The following INPP4B variants were observed in gnomAD, a reference collection of about 807,000 sequenced individuals.
The protein encoded by INPP4B is inositol polyphosphate 4-phosphatase type II.
In INPP4B, 55 loss-of-function variants were observed where a neutral mutation model predicts 122.5. That is an observed-to-expected ratio of 0.45 (90% CI 0.36 to 0.56). INPP4B has a LOEUF of 0.56. INPP4B is among the 20% of genes least tolerant of loss of function. The pLI is 0.00. For synonymous variants in INPP4B, 403 were observed against 388.7 expected, an observed-to-expected ratio of 1.04 and a Z score of -0.43; for missense variants, 1,000 against 1,097.7, an observed-to-expected ratio of 0.91 and a Z score of 1.26.
At chr4:142,428,646 T>C (rs1808628517) in intron 5 of INPP4B, among the ~76,000 whole-genome samples, 1 of 152,078 alleles carries the variant, frequency 6.6e-6, no homozygotes, top group Non-Finnish European at 1.5e-5. Flanking sequence ...TTTTTACATG[T>C]GACAGATATT....
chr4:142,746,434 A>G (rs1298593952), intron 1 of INPP4B, among the ~76,000 whole-genome samples: 1 of 152,196 alleles, frequency 6.6e-6, no homozygotes, highest in East Asian at 1.9e-4. Flanking sequence ...TATCATGAAA[A>G]TGGTCATACT....
At chr4:142,737,183 G>A (rs943851943) in intron 1 of INPP4B, among the ~76,000 whole-genome samples, 2 of 152,136 alleles carry the variant, frequency 1.3e-5, no homozygotes, top group Non-Finnish European at 2.9e-5. Context: ...AACAAAGCTG[G>A]AGGCATCAGG....
chr4:142,290,030 C>T (rs971667734), intron 9 of INPP4B, among the ~76,000 whole-genome samples: 3 of 151,928 alleles, frequency 2.0e-5, no homozygotes, highest in Admixed American at 6.6e-5. Flanking sequence ...CTCTTGCTTT[C>T]CTTCAGTCTT....
chr4:142,569,540 G>A (rs1360592485), intron 2 of INPP4B, among the ~76,000 whole-genome samples: 1 of 152,062 alleles, frequency 6.6e-6, no homozygotes, highest in Non-Finnish European at 1.5e-5. Flanking sequence ...AAAAGAGATA[G>A]GACTGAAACT....
intron 18 of INPP4B, among the ~76,000 whole-genome samples, chr4:142,138,280 A>G (rs1158108578): frequency 8.6e-5 from 13 of 150,800 alleles, no homozygotes; most frequent in Middle Eastern, 6.9e-3. Flanking sequence ...GTAAACTATC[A>G]CAAGGACAAA....
chr4:142,496,568 C>T (rs1334786068), intron 2 of INPP4B, among the ~76,000 whole-genome samples: 1 of 152,028 alleles, frequency 6.6e-6, no homozygotes, highest in Non-Finnish European at 1.5e-5. Flanking sequence ...GTATGTATTC[C>T]ATTGGCTGTA....
rs117256670 is a variant in INPP4B at position 142,151,268 on chromosome 4, T to A, written c.1564-5272A>T. On this transcript the variant is annotated intron_variant, in intron 17 of 25. Transcript: ENST00000262992. Reference sequence around the variant, plus strand: ...ACTGGCACGTGTATAGCCCACGGTATCTCTTTCTTTCACACACACACACCA... The same window carrying A: ...ACTGGCACGTGTATAGCCCACGGTAACTCTTTCTTTCACACACACACACCA... Among the ~76,000 whole-genome samples the A allele has an allele frequency of 3.0e-3, 454 of 152,100 alleles. 24 individuals carry two copies. In the East Asian group the frequency reaches 0.08, roughly 27 times the overall value.
chr4:142,660,786 A>G (rs1261136768), intron 2 of INPP4B: 1 of 152,374 alleles, frequency 6.6e-6, no homozygotes, highest in East Asian at 1.9e-4. Flanking sequence ...CCTTCAGGCC[A>G]TCAAACTCCA....
intron 2 of INPP4B, among the ~76,000 whole-genome samples, chr4:142,643,416 A>C (rs1750989411): frequency 6.6e-6 from 1 of 152,184 alleles, no homozygotes; most frequent in Admixed American, 6.5e-5. Flanking sequence ...AAAAGATGTG[A>C]ATAAAACAAA....
chr4:142,410,787 T>C (rs1245881014), intron 5 of INPP4B, among the ~76,000 whole-genome samples: 3 of 152,196 alleles, frequency 2.0e-5, no homozygotes, highest in Admixed American at 2.0e-4. Context: ...TGCTAATATA[T>C]GAGTCCCTTT....
chr4:142,789,170 G>A (rs1776184574), intron 1 of INPP4B, among the ~76,000 whole-genome samples: 1 of 152,024 alleles, frequency 6.6e-6, no homozygotes, highest in South Asian at 2.1e-4. Context: ...CTGAGAACTG[G>A]AACAAGATAA....
At chr4:142,359,287 C>A (rs1029616797) in intron 7 of INPP4B, among the ~76,000 whole-genome samples, 6 of 151,666 alleles carry the variant, frequency 4.0e-5, no homozygotes, top group African/African-American at 1.5e-4. Context: ...CACTAAACAA[C>A]TAATTGCAAT....
chr4:142,030,226 G>A (rs746886862), intron 25 of INPP4B: 2 of 1,535,474 alleles, frequency 1.3e-6, no homozygotes, highest in Non-Finnish European at 1.7e-6. Flanking sequence ...TAGAAGTGTC[G>A]AGAAGTTGGC....
chr4:142,701,023 A>G (rs1441591074), intron 2 of INPP4B, among the ~76,000 whole-genome samples: 2 of 152,176 alleles, frequency 1.3e-5, no homozygotes, highest in Non-Finnish European at 2.9e-5. Context: ...TATTGGAAAG[A>G]TAACAGCATT....
chr4:142,224,758 G>T (rs1850800867), intron 12 of INPP4B, among the ~76,000 whole-genome samples: 1 of 151,552 alleles, frequency 6.6e-6, no homozygotes, highest in African/African-American at 2.4e-5. Flanking sequence ...AATATCTGAA[G>T]TATTTAGTGC....
chr4:142,356,512 C>T (rs1272994923), intron 7 of INPP4B, among the ~76,000 whole-genome samples: 4 of 151,726 alleles, frequency 2.6e-5, no homozygotes, highest in African/African-American at 9.7e-5. Context: ...CCAGGACCTG[C>T]AGGAGTGATG....
chr4:142,824,314 ATCTATC>A lies in INPP4B; in HGVS notation c.-254+21889_-254+21894del, dbSNP rs151098085. ...CTATCTATTATCTATCTGTCTATCT[ATCTATC>A]TCTATCTCTATCTCTATCTCTTTCT... On this transcript the variant is annotated intron_variant, in intron 1 of 25. Transcript: ENST00000262992. Among the ~76,000 whole-genome samples the A allele has an allele frequency of 3.9e-3, 595 of 150,732 alleles. 2 individuals carry two copies. Among genetic ancestry groups the A allele is most frequent in the African/African-American group, 0.014 (551 of 40,392 alleles).
chr4:142,701,800 A>C (rs184205649), intron 2 of INPP4B, among the ~76,000 whole-genome samples: 1 of 152,166 alleles, frequency 6.6e-6, no homozygotes, highest in Non-Finnish European at 1.5e-5. Context: ...ACATCTATCA[A>C]ATAGACACTT....
At chr4:142,126,702 T>C (rs145846713) in intron 18 of INPP4B, among the ~76,000 whole-genome samples, 370 of 152,204 alleles carry the variant, frequency 2.4e-3, no homozygotes, top group African/African-American at 8.4e-3. Flanking sequence ...GAACAATGGT[T>C]CAATTTAAAC....
Sources: gnomAD v4.1 joint callset for allele counts (sites outside exome capture counted in the v4.1 genomes callset) on GRCh38, gnomAD v4.1.1 for gene constraint, MANE v1.5 for transcripts, NCBI Gene and HGNC (gene_info 2026-07-23, HGNC 2026-07-21) for gene names.